Variants in TRAPPC12 observed in about 807,000 individuals in gnomAD.
TRAPPC12 encodes the protein trafficking protein particle complex subunit 12.
In TRAPPC12, 61 loss-of-function variants were observed where a neutral mutation model predicts 69.2. That is an observed-to-expected ratio of 0.88 (90% CI 0.72 to 1.09). TRAPPC12 has a LOEUF of 1.09. TRAPPC12 is among the 50% of genes least tolerant of loss of function. TRAPPC12 has a pLI of 0.00. For synonymous variants in TRAPPC12, 469 were observed against 438.9 expected (o/e 1.07, Z -0.86); for missense variants, 1,101 against 1,016.4 (o/e 1.08, Z -1.13).
chr2:3,475,992 G>A (rs1314517090), intron 9 of TRAPPC12, among the ~76,000 whole-genome samples: 3 of 152,182 alleles, frequency 2.0e-5, no homozygotes, highest in East Asian at 1.9e-4. Context: ...AGATGCAGGC[G>A]TTCGAGCTGA....
intron 9 of TRAPPC12, among the ~76,000 whole-genome samples, chr2:3,466,759 C>T (rs953116058): frequency 6.6e-6 from 1 of 152,182 alleles, no homozygotes; most frequent in African/African-American, 2.4e-5. Context: ...CACTGAATAA[C>T]CCCAGGCAGG....
intron 6 of TRAPPC12, chr2:3,455,711 C>T (rs950214046): frequency 1.3e-5 from 2 of 152,208 alleles, no homozygotes; most frequent in Admixed American, 6.5e-5. Flanking sequence ...GAAGAGTACT[C>T]CATCGTGTAT....
At chr2:3,397,107 G>A (rs1661178718) in intron 2 of TRAPPC12, among the ~76,000 whole-genome samples, 1 of 152,160 alleles carries the variant, frequency 6.6e-6, no homozygotes, top group South Asian at 2.1e-4. Flanking sequence ...TGTTTTACAT[G>A]TCTAGTAATT....
At chr2:3,461,897 C>G (rs1323054707) in intron 8 of TRAPPC12, among the ~76,000 whole-genome samples, 1 of 152,248 alleles carries the variant, frequency 6.6e-6, no homozygotes, top group Non-Finnish European at 1.5e-5. Context: ...CCTGACCCCT[C>G]TGCCTCCCAA....
intron 1 of TRAPPC12, among the ~76,000 whole-genome samples, chr2:3,383,871 GTTTTTTTTTTTTTTTTTTTTTTTT>G (rs34956958): frequency 2.6e-4 from 22 of 85,594 alleles, no homozygotes; most frequent in Non-Finnish European, 4.0e-4. Context: ...GTTCAGTCTT[GTTTTTTTTTTTTTTTTTTTTTTTT>G]TTTTTTTTTT....
At chr2:3,461,976 G>A (rs10189106) in intron 8 of TRAPPC12, among the ~76,000 whole-genome samples, 3,964 of 152,328 alleles carry the variant, frequency 0.026, 71 homozygotes, top group Non-Finnish European at 0.036. Context: ...TGGGCGGTCC[G>A]CAGTAGGCCT....
rs186046213 is a variant in TRAPPC12 at position 3,382,613 on chromosome 2, A to G, written c.-5+2737A>G. 1.3e-5 allele frequency among the ~76,000 whole-genome samples: 2 copies of G among 152,260 alleles called. 1 individual carries two copies. Among genetic ancestry groups the G allele is most frequent in the East Asian group, 3.9e-4 (2 of 5,156 alleles). On this transcript the variant is annotated intron_variant, in intron 1 of 11. Transcript: ENST00000324266. ...TTGTCTCAACCAAGACTCCTTTAAG[A>G]GTGAAAGGAGACACTTAATGATTTT...
At position 3,379,775 on chromosome 2, in the gene TRAPPC12, G is replaced by T. The variant is rs1477958963; in HGVS notation, c.-106G>T. ...CGCAGGCGTACAGAGCTCCCCGGGG[G>T]TGCCAGTTCCTCTCCGATTCCCGGC... On this transcript the variant is annotated 5_prime_UTR_variant, in exon 1 of 12. Coordinates refer to ENST00000324266, the MANE Select transcript of TRAPPC12 (RefSeq NM_016030.6). 6.6e-6 allele frequency: 1 copy of T among 152,458 alleles called. No individual in the cohort carries two copies. The highest frequency in any genetic ancestry group is 1.5e-5 in the Non-Finnish European group (1 of 68,220). 9.4% of individuals were successfully genotyped at this position (152,458 alleles called of 1,614,324 possible).
At chr2:3,448,000 A>G (rs1033244757) in intron 6 of TRAPPC12, among the ~76,000 whole-genome samples, 4 of 152,224 alleles carry the variant, frequency 2.6e-5, no homozygotes, top group Non-Finnish European at 4.4e-5. Flanking sequence ...CCACACGCAC[A>G]CACACAGCTC....
rs1040194790 is a variant in TRAPPC12, at chr2:3,388,620, G to A, written c.997G>A (p.Val333Met). The part of the protein sequence containing the change: ...VATQQRGAVF[V>M]DKENLTMPGL... ...CACCCAGCAGCGCGGCGCCGTGTTC[G>A]TGGACAAGGAGAACCTCACCATGCC... is the stretch of plus-strand genomic sequence containing the variant. The change falls in exon 2 of 12, where the codon GTG becomes ATG. Residue 333 changes from valine to methionine, a missense_variant. Transcript: ENST00000324266. 1.5e-5 allele frequency: 24 copies of A among 1,596,578 alleles called. No individual in the cohort carries two copies. The highest frequency in any genetic ancestry group is 2.1e-5 in the Non-Finnish European group (24 of 1,170,604).
chr2:3,453,608 C>T (rs1664969556), intron 6 of TRAPPC12, among the ~76,000 whole-genome samples: 1 of 152,196 alleles, frequency 6.6e-6, no homozygotes, highest in Non-Finnish European at 1.5e-5. Context: ...CCCAAACGAA[C>T]CGGGTGTGGC....
At chr2:3,457,115 G>T in intron 6 of TRAPPC12, 1 of 464,710 alleles carries the variant, frequency 2.2e-6, no homozygotes. Flanking sequence ...ATACTACGCA[G>T]CCGTAAAAAA....
rs1666430986 is a variant in TRAPPC12, at chr2:3,479,128, A to C, written c.1966-91A>C. ...TGCCCAGCAGCTCTGCACCACCCCC[A>C]GGCCCCTAACACGGCCCAGCACGCA... On this transcript the variant is annotated intron_variant, in intron 11 of 11. Transcript: ENST00000324266. 2.6e-6 allele frequency: 4 copies of C among 1,557,616 alleles called. No individual in the cohort carries two copies. The South Asian group carries it at 5.0e-5, about 19-fold the overall frequency.
At chr2:3,460,546 T>G in intron 8 of TRAPPC12, 1 of 487,642 alleles carries the variant, frequency 2.1e-6, no homozygotes, top group Non-Finnish European at 3.6e-6. Context: ...GAATGTAGAA[T>G]TTAGATGATC....
chr2:3,404,228 T>G (rs1373862654), intron 3 of TRAPPC12, among the ~76,000 whole-genome samples: 1 of 152,166 alleles, frequency 6.6e-6, no homozygotes, highest in Non-Finnish European at 1.5e-5. Flanking sequence ...AGGGACATCG[T>G]GCCCTGGGTT....
chr2:3,466,140 C>G, intron 9 of TRAPPC12: 1 of 412,118 alleles, frequency 2.4e-6, no homozygotes, highest in Non-Finnish European at 5.1e-6. Context: ...GCAGGACCCC[C>G]TTTGCTAAGA....
intron 9 of TRAPPC12, among the ~76,000 whole-genome samples, chr2:3,471,096 G>A (rs1350259772): frequency 1.3e-5 from 2 of 152,228 alleles, no homozygotes; most frequent in Admixed American, 6.5e-5. Context: ...ATACACTGGC[G>A]AATACAAGGA....
intron 5 of TRAPPC12, among the ~76,000 whole-genome samples, chr2:3,438,777 C>T (rs1165213977): frequency 6.6e-6 from 1 of 152,194 alleles, no homozygotes; most frequent in South Asian, 2.1e-4. Context: ...CGTTTCTTAT[C>T]TCTGAATAAT....
chr2:3,479,097 A>G lies in TRAPPC12; in HGVS notation c.1966-122A>G, dbSNP rs1666429927. On this transcript the variant is annotated intron_variant, in intron 11 of 11. Transcript: ENST00000324266. ...GGGAAGTGACCCAACAGGGCCACCTAGGCTCTGCCCAGCAGCTCTGCACCA... is the reference window on the plus strand; with the variant it reads ...GGGAAGTGACCCAACAGGGCCACCTGGGCTCTGCCCAGCAGCTCTGCACCA... 3 of 1,530,394 alleles carry G rather than the reference A, an allele frequency of 2.0e-6. No homozygotes were observed. In the East Asian group the frequency reaches 6.9e-5, roughly 35 times the overall value. 94.8% of individuals were successfully genotyped at this position (1,530,394 alleles called of 1,614,324 possible).
Sources: gnomAD v4.1 joint callset for allele counts (sites outside exome capture counted in the v4.1 genomes callset) on GRCh38, gnomAD v4.1.1 for gene constraint, MANE v1.5 for transcripts, NCBI Gene and HGNC (gene_info 2026-07-23, HGNC 2026-07-21) for gene names.